The following SAFB variants were observed in gnomAD, a reference collection of about 807,000 sequenced individuals.
SAFB encodes scaffold attachment factor B.
SAFB carries 15 observed loss-of-function variants against 101.6 expected under a neutral mutation model. That is an observed-to-expected ratio of 0.15 (90% confidence interval 0.10 to 0.23). The LOEUF is 0.23. Among genes scored for constraint, SAFB ranks in the 10% least tolerant of loss-of-function variants. The pLI is 1.00. For missense variants in SAFB, 930 were observed against 1,104.1 expected (o/e 0.84, Z 2.23); for synonymous variants, 449 against 407.5 (o/e 1.10, Z -1.23).
At chr19:5,653,539 T>C in intron 11 of SAFB, 119 bp downstream of exon 11, 1 of 790,596 alleles carries the variant, frequency 1.3e-6, no homozygotes, top group South Asian at 1.7e-5. Context: ...TGATCTCGGC[T>C]CACCTCAACT....
rs1460123118 is a variant in SAFB at position 5,667,774 on chromosome 19, C to T, written c.2558-46C>T. The T allele has an allele frequency of 5.0e-6, 8 of 1,599,458 alleles. No individual in the cohort carries two copies. Among genetic ancestry groups the T allele is most frequent in the African/African-American group, 4.0e-5 (3 of 74,598 alleles). On this transcript the variant is annotated intron_variant, in intron 19 of 20. Transcript: ENST00000588852. This position sits in a 1 kb window ranked among gnomAD's most constrained non-coding sequence, Gnocchi z 4.0. ...TGGGCTAAATGTGCCGTGGGTTCCACGCCGTGTGCGCAAGTTCCCTGTGTG... is the reference window on the plus strand; with the variant it reads ...TGGGCTAAATGTGCCGTGGGTTCCATGCCGTGTGCGCAAGTTCCCTGTGTG...
chr19:5,656,639 C>T (rs1318373229), intron 13 of SAFB, among the ~76,000 whole-genome samples: 3 of 149,360 alleles, frequency 2.0e-5, no homozygotes, highest in South Asian at 2.1e-4. Context: ...TGTAGTGGCG[C>T]GTCCTCGGTT....
At chr19:5,646,396 G>A (rs1296595267) in intron 5 of SAFB, among the ~76,000 whole-genome samples, 13 of 152,140 alleles carry the variant, frequency 8.5e-5, no homozygotes, top group Admixed American at 8.5e-4. Context: ...AATTGACACG[G>A]CCATTCCCGA....
Position 5,667,384 on chromosome 19 carries a change from G to A in SAFB, c.2491G>A (p.Asp831Asn). The A allele has an allele frequency of 2.6e-6, 4 of 1,511,792 alleles. No homozygotes were observed. The highest frequency in any genetic ancestry group is 2.6e-5 in the South Asian group (2 of 77,522). The allele number at this position is 1,511,792 out of a possible 1,614,324, so 93.6% of individuals were successfully genotyped here. ...CTGGGGGGACCATGGCCGAAGAGAG[G>A]ATGACCGGTCATGGCAGGGCACGGC... ...RDWGDHGRRE[D>N]DRSWQGTADG... The change falls in exon 19 of 21, where the codon GAT becomes AAT. Residue 831 changes from aspartate to asparagine, a missense_variant. Physicochemically the swap from Asp to Asn is conservative, Grantham distance 23. Coordinates refer to ENST00000588852, the MANE Select transcript of SAFB (RefSeq NM_001201338.2). The surrounding 1 kb of genome is among the most constrained non-coding windows in gnomAD (Gnocchi z 4.0).
chr19:5,660,607 G>A (rs2054175622), intron 14 of SAFB, among the ~76,000 whole-genome samples: 4 of 149,996 alleles, frequency 2.7e-5, no homozygotes, highest in Non-Finnish European at 5.9e-5. Context: ...CCTGGGCACA[G>A]TGGTTCATGC....
At chr19:5,655,905 AATT>A (rs1295281662) in intron 13 of SAFB, among the ~76,000 whole-genome samples, 1 of 152,218 alleles carries the variant, frequency 6.6e-6, no homozygotes, top group Non-Finnish European at 1.5e-5. Flanking sequence ...TTGTGTGTTT[AATT>A]ATTGAAGGAA....
chr19:5,648,087 T>C, intron 6 of SAFB, 44 bp downstream of exon 6: 2 of 1,514,574 alleles, frequency 1.3e-6, no homozygotes, highest in Non-Finnish European at 1.8e-6. Context: ...TTGGAACCAT[T>C]CTAGTTTTCC....
intron 4 of SAFB, 154 bp downstream of exon 4, chr19:5,642,100 G>C: frequency 2.8e-6 from 2 of 716,536 alleles, no homozygotes; most frequent in Non-Finnish European, 5.0e-6. Flanking sequence ...GAACCAATTT[G>C]TTTTGTTGAA....
intron 14 of SAFB, among the ~76,000 whole-genome samples, chr19:5,659,875 A>G (rs1273435898): frequency 2.0e-5 from 3 of 152,164 alleles, no homozygotes; most frequent in South Asian, 2.1e-4. Context: ...AGAGGAACCT[A>G]TGAACAAGGA....
At chr19:5,665,290 G>T (rs1445616944) in intron 17 of SAFB, 1 of 152,108 alleles carries the variant, frequency 6.6e-6, no homozygotes, top group Non-Finnish European at 1.5e-5. Context: ...CTAGTCTTGT[G>T]GATTTTCTTT....
chr19:5,650,115 C>A, intron 8 of SAFB, 140 bp downstream of exon 8: 1 of 669,000 alleles, frequency 1.5e-6, no homozygotes, highest in Non-Finnish European at 2.6e-6. Context: ...TCCTTCTCTG[C>A]TGTTACCGCT....
rs1393675501 is a variant in SAFB at position 5,657,287 on chromosome 19, C to T, written c.1802C>T (p.Ser601Phe). Residue 601 changes from serine (S) to phenylalanine (F), a missense_variant, in exon 14 of 21, where the codon TCC becomes TTC. Physicochemically the swap from Ser to Phe is radical, Grantham distance 155. Around this residue, in one of 7 missense-constraint regions of SAFB, gnomAD observed 159 missense variants for 234.1 expected, o/e 0.68. Transcript: ENST00000588852. ...AAATCAGCCAGCAGAGAGAAGCGGT[C>T]CGTCGTGTCCTTTGATAAGGTCAAG... ...DRKSASREKR[S>F]VVSFDKVKEP... is the part of the protein sequence containing the mutation. 1 of 1,613,926 alleles carries T rather than the reference C, an allele frequency of 6.2e-7. No individual in the cohort carries two copies.
In SAFB at chr19:5,664,053, C is replaced by T; in HGVS notation, c.2185C>T (p.Arg729Trp). 5 of 1,613,972 alleles carry T rather than the reference C, an allele frequency of 3.1e-6. No individual in the cohort carries two copies. The highest frequency in any genetic ancestry group is 3.4e-6 in the Non-Finnish European group (4 of 1,179,990). Reference sequence around the variant, plus strand: ...TGATGCCTATTGGCCGGAAGCCAAGCGGGCCGCCCTGGATGAGCGCTACCA... The same window carrying T: ...TGATGCCTATTGGCCGGAAGCCAAGTGGGCCGCCCTGGATGAGCGCTACCA... ...RDDAYWPEAK[R>W]AALDERYHSD... Residue 729 changes from arginine (R) to tryptophan (W), a missense_variant, in exon 16 of 21, where the codon CGG becomes TGG. Transcript: ENST00000588852.
chr19:5,641,984 T>A, intron 4 of SAFB, 38 bp downstream of exon 4: 2 of 1,507,332 alleles, frequency 1.3e-6, no homozygotes, highest in Non-Finnish European at 9.2e-7. Context: ...GTGCCCTGAA[T>A]GTATCAGTTC....
intron 15 of SAFB, among the ~76,000 whole-genome samples, chr19:5,663,196 G>T (rs1291098074): frequency 6.7e-6 from 1 of 149,606 alleles, no homozygotes; most frequent in Non-Finnish European, 1.5e-5. Context: ...TAGATACCGG[G>T]TTTCACCATG....
intron 2 of SAFB, among the ~76,000 whole-genome samples, chr19:5,638,507 G>C (rs2053639087): frequency 1.3e-5 from 2 of 151,676 alleles, no homozygotes; most frequent in South Asian, 4.2e-4. Context: ...ATTTTTAGTA[G>C]AGCTGGGGTT....
chr19:5,653,029 G>A, intron 9 of SAFB, 86 bp from the exon 10 acceptor site: 1 of 1,388,468 alleles, frequency 7.2e-7, no homozygotes, highest in East Asian at 2.3e-5. Context: ...CCCCTGATGA[G>A]CAGACTTCCC....
intron 13 of SAFB, among the ~76,000 whole-genome samples, chr19:5,655,459 CA>C (rs56999816): frequency 0.034 from 1,855 of 55,172 alleles, 23 homozygotes; most frequent in Admixed American, 0.096. Flanking sequence ...GACCCCATCT[CA>C]AAAAAAAAAA....
chr19:5,667,305 A>G lies in SAFB; in HGVS notation c.2454-42A>G. On this transcript the variant is annotated intron_variant, in intron 18 of 20. Coordinates refer to ENST00000588852, the MANE Select transcript of SAFB (RefSeq NM_001201338.2). This position sits in a 1 kb window ranked among gnomAD's most constrained non-coding sequence, Gnocchi z 4.0. Reference sequence around the variant, plus strand: ...CGCCACAGTTATTAGCACAAGAGCCAGAGATGGGGGCAATCCAAATCAGAG... The same window carrying G: ...CGCCACAGTTATTAGCACAAGAGCCGGAGATGGGGGCAATCCAAATCAGAG... 6.4e-6 allele frequency: 9 copies of G among 1,407,530 alleles called. No homozygotes were observed. Among genetic ancestry groups the G allele is most frequent in the Non-Finnish European group, 8.5e-6 (9 of 1,052,908 alleles). 87.2% of individuals were successfully genotyped at this position (1,407,530 alleles called of 1,614,324 possible). A position where few individuals can be genotyped will look rare whatever the true frequency, so the allele number is the denominator to read the frequency against.
Sources: allele counts gnomAD v4.1 joint callset (sites outside exome capture counted in the v4.1 genomes callset), GRCh38; gene constraint gnomAD v4.1.1; regional missense constraint gnomAD v4.1.1; non-coding constraint Gnocchi (gnomAD v3.1); transcripts MANE v1.5; gene names NCBI Gene and HGNC (gene_info 2026-07-23, HGNC 2026-07-21).